Variants in ACP7 observed in about 807,000 individuals in gnomAD.
ACP7 encodes the protein acid phosphatase type 7.
ACP7 carries 58 observed loss-of-function variants against 60.6 expected under a neutral mutation model. The observed-to-expected ratio is 0.96, with a 90% CI of 0.77 to 1.19. The LOEUF (loss-of-function observed/expected upper bound fraction) is 1.19. Ranked by LOEUF, ACP7 falls within the 50% of genes most tolerant of loss-of-function variation. ACP7 has a pLI of 0.00. For missense variants in ACP7, 574 were observed against 596.2 expected, an observed-to-expected ratio of 0.96 and a Z score of 0.39; for synonymous variants, 237 against 232.6, an observed-to-expected ratio of 1.02 and a Z score of -0.17.
chr19:39,086,616 T>C (rs1476572090), intron 2 of ACP7, among the ~76,000 whole-genome samples: 7 of 108,116 alleles, frequency 6.5e-5, no homozygotes, highest in African/African-American at 2.6e-4. Context: ...GCTGACAGAA[T>C]GAGGCCCTGT....
chr19:39,097,688 T>C (rs774914), intron 2 of ACP7, among the ~76,000 whole-genome samples: 3,798 of 152,032 alleles, frequency 0.025, 160 homozygotes, highest in African/African-American at 0.088. Flanking sequence ...TCTACAGTCT[T>C]GGCCTCCAGA....
intron 12 of ACP7, 51 bp from the exon 13 acceptor site, chr19:39,110,002 A>G (rs375991034): frequency 8.3e-6 from 13 of 1,570,186 alleles, no homozygotes; most frequent in Admixed American, 3.4e-5. Context: ...ATGTGGCCCC[A>G]GAGTTCAGGC....
At chr19:39,092,603 A>G (rs1363194893) in intron 2 of ACP7, among the ~76,000 whole-genome samples, 1 of 151,536 alleles carries the variant, frequency 6.6e-6, no homozygotes, top group Non-Finnish European at 1.5e-5. Context: ...TAGTGTTTCT[A>G]TTCCATATTG....
Position 39,100,806 on chromosome 19 carries a change from C to G in ACP7, c.760C>G (p.Arg254Gly). The G allele has an allele frequency of 6.2e-7, 1 of 1,613,936 alleles. No individual in the cohort carries two copies. The highest frequency in any genetic ancestry group is 1.3e-5 in the African/African-American group (1 of 74,990). Residue 254 changes from arginine (R) to glycine (G), a missense_variant, in exon 7 of 13, where the codon CGC (arginine) becomes GGC (glycine). Coordinates refer to ENST00000331256, the MANE Select transcript of ACP7 (RefSeq NM_001004318.3). ...TEVYFFLHYG[R>G]HLVQRQFRWL... ...GGTCTATTTCTTTCTCCATTATGGC[C>G]GCCACTTGGTACAGAGGCAGTTTCG...
rs2073126167 is a variant in ACP7, at chr19:39,085,151, G to T, written c.-119G>T. The T allele has an allele frequency of 3.0e-6, 4 of 1,335,974 alleles. No individual in the cohort carries two copies. Among genetic ancestry groups the T allele is most frequent in the Non-Finnish European group, 4.1e-6 (4 of 985,092 alleles). 82.8% of individuals were successfully genotyped at this position (1,335,974 alleles called of 1,614,324 possible). On this transcript the variant is annotated 5_prime_UTR_variant, in exon 2 of 13. Transcript: ENST00000331256. Reference sequence around the variant, plus strand: ...CCTGCCCTGCCTCTGTTGTCCCCCAGAGCACTGCCTGATCATCCTCTGTTC... The same window carrying T: ...CCTGCCCTGCCTCTGTTGTCCCCCATAGCACTGCCTGATCATCCTCTGTTC...
intron 7 of ACP7, 45 bp downstream of exon 7, chr19:39,100,898 TC>T: frequency 9.1e-7 from 1 of 1,100,442 alleles, no homozygotes; most frequent in Non-Finnish European, 1.3e-6. Context: ...CAGCCCCACC[TC>T]CCCCTCCACC....
intron 12 of ACP7, among the ~76,000 whole-genome samples, chr19:39,107,741 C>G (rs905266677): frequency 1.4e-4 from 21 of 151,974 alleles, no homozygotes; most frequent in Non-Finnish European, 2.8e-4. Flanking sequence ...CAAAAATGAG[C>G]TGGCCATGGT....
intron 2 of ACP7, among the ~76,000 whole-genome samples, chr19:39,093,626 G>A (rs908523559): frequency 1.1e-4 from 17 of 152,066 alleles, no homozygotes; most frequent in Non-Finnish European, 2.4e-4. Flanking sequence ...TGGCCTCAAA[G>A]TGATCTACCC....
chr19:39,098,934 C>T (rs756275312), intron 3 of ACP7, 26 bp from the exon 4 acceptor site: 1 of 1,607,884 alleles, frequency 6.2e-7, no homozygotes, highest in Non-Finnish European at 8.5e-7. Context: ...CCCCAGCTGA[C>T]TGCGACCTTT....
At chr19:39,092,916 T>C (rs1027218800) in intron 2 of ACP7, among the ~76,000 whole-genome samples, 1 of 150,622 alleles carries the variant, frequency 6.6e-6, no homozygotes, top group Non-Finnish European at 1.5e-5. Flanking sequence ...TAGCTGGGAC[T>C]ACAGGTGTGT....
intron 11 of ACP7, 117 bp from the exon 12 acceptor site, chr19:39,106,830 G>C (rs1309395260): frequency 7.6e-7 from 1 of 1,315,242 alleles, no homozygotes; most frequent in Non-Finnish European, 1.0e-6. Context: ...GGCCTCTATG[G>C]TGGTCAAGTC....
chr19:39,101,579 C>G (rs780378544), intron 11 of ACP7, 42 bp downstream of exon 11: 16 of 1,582,412 alleles, frequency 1.0e-5, no homozygotes, highest in Non-Finnish European at 1.4e-5. Context: ...CTCTCTATTC[C>G]TATCTATGGA....
intron 2 of ACP7, among the ~76,000 whole-genome samples, chr19:39,097,566 A>G (rs1380313332): frequency 7.2e-6 from 1 of 139,530 alleles, no homozygotes; most frequent in Non-Finnish European, 1.6e-5. Flanking sequence ...CCCTATCTCT[A>G]AGAAAAAAAA....
intron 9 of ACP7, 37 bp downstream of exon 9, chr19:39,101,244 C>T (rs756932994): frequency 1.2e-6 from 2 of 1,614,124 alleles, no homozygotes; most frequent in African/African-American, 2.7e-5. Flanking sequence ...CACACCCCAC[C>T]TCTCCCCAAT....
upstream of ACP7, among the ~76,000 whole-genome samples, chr19:39,084,151 C>T (rs1408794978): frequency 1.3e-5 from 2 of 152,112 alleles, no homozygotes; most frequent in South Asian, 2.1e-4. Context: ...CATAACCTTC[C>T]TGGGTCCCCC....
intron 11 of ACP7, among the ~76,000 whole-genome samples, chr19:39,103,455 T>TTTTG (rs2073379333): frequency 6.8e-6 from 1 of 147,610 alleles, no homozygotes; most frequent in Non-Finnish European, 1.5e-5. Context: ...TTTTTTTTTT[T>TTTTG]TTTTTTTTTT....
At chr19:39,102,926 A>C (rs1389957530) in intron 11 of ACP7, among the ~76,000 whole-genome samples, 1 of 150,396 alleles carries the variant, frequency 6.6e-6, no homozygotes, top group Admixed American at 6.7e-5. Flanking sequence ...CAACCTCCAC[A>C]TCCCGGGATC....
intron 12 of ACP7, 93 bp from the exon 13 acceptor site, chr19:39,109,960 C>A: frequency 7.8e-7 from 1 of 1,274,414 alleles, no homozygotes. Flanking sequence ...TACAGCCCAT[C>A]AGAGGGCAGA....
intron 4 of ACP7, 77 bp downstream of exon 4, chr19:39,099,219 G>A: frequency 2.2e-6 from 3 of 1,375,778 alleles, no homozygotes; most frequent in Non-Finnish European, 2.8e-6. Flanking sequence ...CGGGTCGGGG[G>A]CGCGCGGGTC....
Sources: gnomAD v4.1 joint callset for allele counts (sites outside exome capture counted in the v4.1 genomes callset) on GRCh38, gnomAD v4.1.1 for gene constraint, MANE v1.5 for transcripts, NCBI Gene and HGNC (gene_info 2026-07-23, HGNC 2026-07-21) for gene names.